The following FBLN2 variants were observed in gnomAD, a reference collection of about 807,000 sequenced individuals.
FBLN2 encodes fibulin-2.
Under a neutral mutation model 123.7 loss-of-function variants are expected in FBLN2, and 81 were observed. The observed-to-expected ratio is 0.65, with a 90% CI of 0.55 to 0.79. The LOEUF (loss-of-function observed/expected upper bound fraction) is 0.79, where lower values mean the gene tolerates loss of function less well. FBLN2 is among the 30% of genes least tolerant of loss of function. The pLI is 0.00. For missense variants in FBLN2, 1,603 were observed against 1,681.3 expected, an observed-to-expected ratio of 0.95 and a Z score of 0.81; for synonymous variants, 699 against 701.4, an observed-to-expected ratio of 1.00 and a Z score of 0.05.
chr3:13,550,180 C>T (rs1236906314), intron 1 of FBLN2, among the ~76,000 whole-genome samples: 1 of 152,206 alleles, frequency 6.6e-6, no homozygotes, highest in Non-Finnish European at 1.5e-5. Flanking sequence ...CCTCCCCTGT[C>T]CTAGGGGGTG....
intron 2 of FBLN2, among the ~76,000 whole-genome samples, chr3:13,573,249 A>G (rs1704021392): frequency 6.6e-6 from 1 of 152,004 alleles, no homozygotes; most frequent in Non-Finnish European, 1.5e-5. Flanking sequence ...AATCAAGTTC[A>G]ATTCCCTCTG....
chr3:13,610,069 T>C (rs1355001761), intron 4 of FBLN2, among the ~76,000 whole-genome samples: 2 of 152,088 alleles, frequency 1.3e-5, no homozygotes, highest in African/African-American at 4.8e-5. Flanking sequence ...GACTGCAGTA[T>C]CAGCTGACAG....
At chr3:13,573,269 C>A (rs187060855) in intron 2 of FBLN2, among the ~76,000 whole-genome samples, 5 of 152,230 alleles carry the variant, frequency 3.3e-5, no homozygotes, top group Admixed American at 1.3e-4. Flanking sequence ...GGCTAAGGGG[C>A]CTTTGCACGT....
chr3:13,634,434 C>T (rs934259321), intron 16 of FBLN2, among the ~76,000 whole-genome samples: 1 of 152,266 alleles, frequency 6.6e-6, no homozygotes, highest in African/African-American at 2.4e-5. Context: ...CCCTTCTTGG[C>T]CCTTCCCTTC....
In FBLN2 at chr3:13,594,259, C is replaced by T. The variant is rs3773280; in HGVS notation, c.1307-13803C>T. ...TGTTGAAACATGGGCAGAGTTCCGTCGCTCAGAGACCCACTTGCCCGGGCT... is the reference window on the plus strand; with the variant it reads ...TGTTGAAACATGGGCAGAGTTCCGTTGCTCAGAGACCCACTTGCCCGGGCT... On this transcript the variant is annotated intron_variant, in intron 2 of 17. Transcript: ENST00000404922. 3.3e-5 allele frequency among the ~76,000 whole-genome samples: 5 copies of T among 152,252 alleles called. No individual in the cohort carries two copies. The East Asian group carries it at 9.7e-4, about 29-fold the overall frequency.
chr3:13,637,878 C>G lies in FBLN2; in HGVS notation c.3655C>G (p.Leu1219Val). The G allele has an allele frequency of 6.2e-7, 1 of 1,606,100 alleles. No homozygotes were observed. The highest frequency in any genetic ancestry group is 8.5e-7 in the Non-Finnish European group (1 of 1,174,424). Residue 1219 changes from leucine (L) to valine (V), a missense_variant, in exon 18 of 18, where the codon CTG becomes GTG. Transcript: ENST00000404922. ...GAGGCAGGGCTCCGTCACCACCTTC[C>G]TGGCCAAGATGCACATCTTCTTCAC... ...LWRQGSVTTF[L>V]AKMHIFFTTF...
chr3:13,617,764 C>T (rs1163391174), intron 5 of FBLN2, among the ~76,000 whole-genome samples: 1 of 134,244 alleles, frequency 7.4e-6, no homozygotes, highest in East Asian at 2.5e-4. Flanking sequence ...ATTCACCTAC[C>T]CATCCACCCA....
intron 16 of FBLN2, 73 bp from the exon 17 acceptor site, chr3:13,636,372 C>T (rs1200222209): frequency 6.4e-7 from 1 of 1,573,298 alleles, no homozygotes; most frequent in African/African-American, 1.4e-5. Flanking sequence ...CCAGGCCTTT[C>T]ATGCAGGCTG....
intron 2 of FBLN2, among the ~76,000 whole-genome samples, chr3:13,602,271 T>G (rs943499334): frequency 6.6e-6 from 1 of 152,248 alleles, no homozygotes; most frequent in Non-Finnish European, 1.5e-5. Flanking sequence ...CATAGGTCTG[T>G]TTCTGAAGTC....
intron 5 of FBLN2, among the ~76,000 whole-genome samples, chr3:13,616,085 C>A (rs1159628957): frequency 1.3e-5 from 2 of 152,116 alleles, no homozygotes; most frequent in African/African-American, 4.8e-5. Flanking sequence ...GGGGTTGGAC[C>A]AGGCCAGACC....
intron 4 of FBLN2, among the ~76,000 whole-genome samples, chr3:13,611,418 C>CT (rs1206753535): frequency 6.6e-6 from 1 of 152,180 alleles, no homozygotes; most frequent in Non-Finnish European, 1.5e-5. Context: ...TCCCATTAAA[C>CT]ACTAACTCCC....
chr3:13,620,048 G>A (rs1035812000), intron 8 of FBLN2, among the ~76,000 whole-genome samples: 3 of 152,120 alleles, frequency 2.0e-5, no homozygotes, highest in Non-Finnish European at 4.4e-5. Context: ...CCTGCAGTGT[G>A]GCTGCATAGG....
At position 13,568,317 on chromosome 3, in the gene FBLN2, C is replaced by T. The variant is rs1274270506; in HGVS notation, c.-41-1998C>T. On this transcript the variant is annotated intron_variant, in intron 1 of 17. Coordinates refer to ENST00000404922, the MANE Select transcript of FBLN2 (RefSeq NM_001004019.2). ...GACTTCTGTCTTCTGTCCGCTGCAT[C>T]CTATCCATCAGCAAATCCTGTGGGT... Among the ~76,000 whole-genome samples, 4 of 152,232 alleles carry T rather than the reference C, an allele frequency of 2.6e-5. No individual in the cohort carries two copies. In the East Asian group the frequency reaches 7.7e-4, roughly 29 times the overall value.
intron 2 of FBLN2, among the ~76,000 whole-genome samples, chr3:13,574,957 T>TC: frequency 6.6e-6 from 1 of 152,208 alleles, no homozygotes; most frequent in South Asian, 2.1e-4. Flanking sequence ...AACGCCCTCC[T>TC]CCCCCATTAG....
chr3:13,629,361 C>G (rs913147924), intron 13 of FBLN2, 69 bp downstream of exon 13: 18 of 1,498,644 alleles, frequency 1.2e-5, no homozygotes, highest in Non-Finnish European at 1.5e-5. Flanking sequence ...TGCACTCCAC[C>G]TCCCCATGCC....
At chr3:13,595,182 G>A (rs909448062) in intron 2 of FBLN2, among the ~76,000 whole-genome samples, 1 of 152,212 alleles carries the variant, frequency 6.6e-6, no homozygotes, top group Non-Finnish European at 1.5e-5. Flanking sequence ...CGGCCGGTTG[G>A]CTGGACTGGC....
At chr3:13,575,783 G>A (rs919253023) in intron 2 of FBLN2, among the ~76,000 whole-genome samples, 35 of 152,136 alleles carry the variant, frequency 2.3e-4, no homozygotes, top group African/African-American at 7.7e-4. Context: ...TGCCCTCCCT[G>A]GCACACGTGC....
chr3:13,578,899 A>T (rs375181426), intron 2 of FBLN2, among the ~76,000 whole-genome samples: 1 of 152,002 alleles, frequency 6.6e-6, no homozygotes, highest in African/African-American at 2.4e-5. Flanking sequence ...TACTAAAAAT[A>T]AAAAAATTAG....
At chr3:13,627,711 C>G in intron 10 of FBLN2, 121 bp from the exon 11 acceptor site, 1 of 1,298,372 alleles carries the variant, frequency 7.7e-7, no homozygotes, top group Non-Finnish European at 1.0e-6. Context: ...GCCAGCTTCC[C>G]AGGGAGATCT....
Sources: gnomAD v4.1 joint callset for allele counts (sites outside exome capture counted in the v4.1 genomes callset) on GRCh38, gnomAD v4.1.1 for gene constraint, MANE v1.5 for transcripts, NCBI Gene and HGNC (gene_info 2026-07-23, HGNC 2026-07-21) for gene names.